Variants in FRMD4A observed in about 807,000 individuals in gnomAD.
The protein encoded by FRMD4A is FERM domain-containing protein 4A.
Under a neutral mutation model 129.1 loss-of-function variants are expected in FRMD4A, and 29 were observed. The observed-to-expected ratio is 0.22, with a 90% CI of 0.17 to 0.31. FRMD4A has a LOEUF of 0.31. Ranked by LOEUF, FRMD4A falls within the 10% of genes least tolerant of loss-of-function variation. The probability of loss-of-function intolerance (pLI) is 1.00; values close to 1 mark genes in which losing one functional copy is unlikely to be tolerated. For missense variants in FRMD4A, 1,272 were observed against 1,375.8 expected (o/e 0.92, Z 1.19); for synonymous variants, 634 against 571.6 (o/e 1.11, Z -1.56).
chr10:14,024,734 A>C (rs539986647), intron 2 of FRMD4A, among the ~76,000 whole-genome samples: 114 of 152,346 alleles, frequency 7.5e-4, no homozygotes, highest in African/African-American at 2.3e-3. Flanking sequence ...TCACAGTCCG[A>C]GGTGCTGGCC....
At chr10:13,890,787 T>TC (rs1466395702) in intron 2 of FRMD4A, 1 of 985,206 alleles carries the variant, frequency 1.0e-6, no homozygotes, top group Non-Finnish European at 1.2e-6. Context: ...AAGCTGCACT[T>TC]CCCGGGGGGC....
At chr10:13,933,599 G>A (rs2095222065) in intron 2 of FRMD4A, among the ~76,000 whole-genome samples, 1 of 152,170 alleles carries the variant, frequency 6.6e-6, no homozygotes, top group Non-Finnish European at 1.5e-5. Flanking sequence ...CTATCCCACT[G>A]GCATAGTGAG....
chr10:13,966,282 CA>C (rs1250624217), intron 2 of FRMD4A, among the ~76,000 whole-genome samples: 2 of 152,128 alleles, frequency 1.3e-5, no homozygotes, highest in Non-Finnish European at 2.9e-5. Context: ...CTTGGCCTCC[CA>C]AAGTGTAAGT....
chr10:14,301,632 A>G (rs942423584), intron 2 of FRMD4A, among the ~76,000 whole-genome samples: 1 of 152,120 alleles, frequency 6.6e-6, no homozygotes, highest in Admixed American at 6.5e-5. Context: ...ATTTTTTTTC[A>G]TTTGCATTAT....
intron 9 of FRMD4A, among the ~76,000 whole-genome samples, chr10:13,743,164 C>T (rs2091104457): frequency 6.6e-6 from 1 of 152,110 alleles, no homozygotes; most frequent in South Asian, 2.1e-4. Context: ...AAGGGGCAGA[C>T]CCAGCCATCT....
At chr10:14,276,589 G>A (rs184709379) in intron 2 of FRMD4A, among the ~76,000 whole-genome samples, 47 of 152,286 alleles carry the variant, frequency 3.1e-4, no homozygotes, top group African/African-American at 1.0e-3. Flanking sequence ...TCTGGCTTCC[G>A]TTCCTGCCCA....
At chr10:13,693,591 G>T in intron 15 of FRMD4A, 2 of 968,728 alleles carry the variant, frequency 2.1e-6, no homozygotes, top group Non-Finnish European at 1.4e-6. Context: ...ATTCCCGACA[G>T]CTTGCCATGG....
At chr10:13,653,067 C>CA (rs1378754853) in intron 23 of FRMD4A, 1 of 152,214 alleles carries the variant, frequency 6.6e-6, no homozygotes, top group African/African-American at 2.4e-5. Flanking sequence ...GGGTATTTCC[C>CA]CCGCAAGGGG....
intron 14 of FRMD4A, among the ~76,000 whole-genome samples, chr10:13,695,349 C>G (rs567586918): frequency 6.6e-6 from 1 of 152,224 alleles, no homozygotes; most frequent in South Asian, 2.1e-4. Flanking sequence ...CCATGTTGGC[C>G]AGGCTGGTCT....
In FRMD4A at chr10:13,694,995, T is replaced by C. The variant is rs115971613; in HGVS notation, c.976-956A>G. ...GCTTATTTTGATACCTAAGTACATG[T>C]TGCCCTAGTCTTCCTATTATGGTTC... On this transcript the variant is annotated intron_variant, in intron 14 of 24. Transcript: ENST00000357447. Among the ~76,000 whole-genome samples, 154 of 152,342 alleles carry C rather than the reference T, an allele frequency of 1.0e-3. 1 individual carries two copies. The highest frequency in any genetic ancestry group is 3.1e-3 in the African/African-American group (129 of 41,572).
At chr10:13,769,328 A>G (rs563084645) in intron 6 of FRMD4A, among the ~76,000 whole-genome samples, 1 of 143,130 alleles carries the variant, frequency 7.0e-6, no homozygotes, top group South Asian at 2.2e-4. Flanking sequence ...TTTATTTTTG[A>G]GACAGGGTCT....
chr10:13,878,518 C>A (rs1380885057), intron 2 of FRMD4A, among the ~76,000 whole-genome samples: 1 of 151,916 alleles, frequency 6.6e-6, no homozygotes, highest in Non-Finnish European at 1.5e-5. Flanking sequence ...TTTGGGAGGC[C>A]GAGGCGGGCA....
intron 2 of FRMD4A, among the ~76,000 whole-genome samples, chr10:14,153,724 A>C (rs532810337): frequency 6.6e-6 from 1 of 152,154 alleles, no homozygotes; most frequent in African/African-American, 2.4e-5. Flanking sequence ...CAGGAAGTGC[A>C]TTCCCTAGGT....
intron 2 of FRMD4A, among the ~76,000 whole-genome samples, chr10:14,024,585 G>A (rs535703952): frequency 6.6e-6 from 1 of 152,312 alleles, no homozygotes; most frequent in East Asian, 1.9e-4. Context: ...TGGACTGCTC[G>A]AGCTGTGTAG....
At chr10:13,973,481 T>C (rs1565143373) in intron 2 of FRMD4A, among the ~76,000 whole-genome samples, 1 of 152,174 alleles carries the variant, frequency 6.6e-6, no homozygotes, top group Non-Finnish European at 1.5e-5. Context: ...CTACCTCACC[T>C]GGCCCATTTT....
Position 13,828,503 on chromosome 10 carries a change from T to A in FRMD4A, c.112-17595A>T, listed in dbSNP as rs1343974945. Among the ~76,000 whole-genome samples, 9 of 151,832 alleles carry A rather than the reference T, an allele frequency of 5.9e-5. 1 individual carries two copies. Among genetic ancestry groups the A allele is most frequent in the Admixed American group, 5.3e-4 (8 of 15,196 alleles). The stretch of plus-strand genomic sequence containing the variant: ...GATGGCTGAATACTATTCCATTGTA[T>A]ATGTATACCATGTTTTCTTCTTTCT... On this transcript the variant is annotated intron_variant, in intron 3 of 24. Coordinates refer to ENST00000357447, the MANE Select transcript of FRMD4A (RefSeq NM_018027.5).
At chr10:14,071,099 G>A (rs576436573) in intron 2 of FRMD4A, among the ~76,000 whole-genome samples, 15 of 152,352 alleles carry the variant, frequency 9.8e-5, no homozygotes, top group African/African-American at 3.4e-4. Flanking sequence ...CCCTGGACAC[G>A]AGTCCTTCTT....
At chr10:13,922,666 G>A (rs561749697) in intron 2 of FRMD4A, among the ~76,000 whole-genome samples, 1 of 152,258 alleles carries the variant, frequency 6.6e-6, no homozygotes, top group Admixed American at 6.5e-5. Flanking sequence ...AGATCATACT[G>A]CTTCTGACTA....
intron 2 of FRMD4A, among the ~76,000 whole-genome samples, chr10:14,268,753 A>G (rs1845063199): frequency 6.6e-6 from 1 of 152,234 alleles, no homozygotes; most frequent in South Asian, 2.1e-4. Flanking sequence ...AATCAGAAGC[A>G]ATGTTCTTCC....
Sources: allele counts gnomAD v4.1 joint callset (sites outside exome capture counted in the v4.1 genomes callset), GRCh38; gene constraint gnomAD v4.1.1; transcripts MANE v1.5; gene names NCBI Gene and HGNC (gene_info 2026-07-23, HGNC 2026-07-21).